The following CTNNBL1 variants were observed in gnomAD, a reference collection of about 807,000 sequenced individuals.
The protein encoded by CTNNBL1 is beta-catenin-like protein 1.
A neutral mutation model predicts 72.7 loss-of-function variants in CTNNBL1; 31 were observed. The ratio of observed to expected loss-of-function variants is 0.43; its 90% confidence interval spans 0.32 to 0.58. The LOEUF (loss-of-function observed/expected upper bound fraction) is 0.58, where lower values mean the gene tolerates loss of function less well. Among genes scored for constraint, CTNNBL1 ranks in the 20% least tolerant of loss-of-function variants. The probability of loss-of-function intolerance (pLI) is 0.08; values close to 1 mark genes in which losing one functional copy is unlikely to be tolerated. For missense variants in CTNNBL1, 534 were observed against 725.1 expected (o/e 0.74, Z 3.03); for synonymous variants, 240 against 267.3 (o/e 0.90, Z 1.00).
chr20:37,779,139 A>C (rs567864808), intron 9 of CTNNBL1, 48 bp from the exon 10 acceptor site: 2 of 1,599,356 alleles, frequency 1.3e-6, no homozygotes, highest in Admixed American at 3.3e-5. Context: ...GGCTCATGAA[A>C]AGACATTCTC....
intron 1 of CTNNBL1, among the ~76,000 whole-genome samples, chr20:37,711,242 T>C (rs2072935434): frequency 6.6e-6 from 1 of 152,142 alleles, no homozygotes; most frequent in South Asian, 2.1e-4. Flanking sequence ...CCTTTTGCCA[T>C]AGTTTCCTAG....
chr20:37,697,623 C>T (rs1291786331), intron 1 of CTNNBL1, among the ~76,000 whole-genome samples: 1 of 152,196 alleles, frequency 6.6e-6, no homozygotes, highest in Non-Finnish European at 1.5e-5. Context: ...TACCTTCATT[C>T]AACCCACTTG....
chr20:37,769,135 A>G (rs1392438942), intron 7 of CTNNBL1, among the ~76,000 whole-genome samples: 1 of 152,212 alleles, frequency 6.6e-6, no homozygotes, highest in Non-Finnish European at 1.5e-5. Flanking sequence ...GTAAATACAG[A>G]ATTTATCTGT....
intron 1 of CTNNBL1, among the ~76,000 whole-genome samples, chr20:37,709,923 C>G (rs374368983): frequency 6.6e-6 from 1 of 152,192 alleles, no homozygotes; most frequent in East Asian, 1.9e-4. Context: ...AGTGGCAAGA[C>G]GATCTATTCC....
At chr20:37,727,394 G>T (rs1332348551) in intron 1 of CTNNBL1, 3 of 975,786 alleles carry the variant, frequency 3.1e-6, no homozygotes, top group Non-Finnish European at 3.7e-6. Context: ...AGCCTACTCT[G>T]AGCTTTGAGT....
intron 13 of CTNNBL1, among the ~76,000 whole-genome samples, chr20:37,856,152 G>A (rs1430749644): frequency 4.1e-5 from 6 of 146,952 alleles, no homozygotes; most frequent in Admixed American, 1.4e-4. Context: ...CAGGAGAGTC[G>A]CTTGAACCCG....
At chr20:37,744,531 A>T (rs576797879) in intron 3 of CTNNBL1, 1 of 152,184 alleles carries the variant, frequency 6.6e-6, no homozygotes, top group Non-Finnish European at 1.5e-5. Flanking sequence ...TATGACTTAG[A>T]ACAGGGATTG....
chr20:37,782,075 A>G (rs1043769570), intron 10 of CTNNBL1, among the ~76,000 whole-genome samples: 1 of 152,196 alleles, frequency 6.6e-6, no homozygotes, highest in African/African-American at 2.4e-5. Context: ...AACTATATAA[A>G]GTATCTAGGA....
rs28729911 is a variant in CTNNBL1 at position 37,833,734 on chromosome 20, G to A, written c.1214-6368G>A. 7.5e-3 allele frequency among the ~76,000 whole-genome samples: 1,144 copies of A among 152,292 alleles called. 15 individuals are homozygous for A. Among genetic ancestry groups the A allele is most frequent in the African/African-American group, 0.026 (1,089 of 41,544 alleles). ...TTTATCCTGTCGAAATGACGGAGCA[G>A]CTGAGCAGTGTTGGCCAGCAGATAA... On this transcript the variant is annotated intron_variant, in intron 11 of 15. Transcript: ENST00000361383.
intron 1 of CTNNBL1, among the ~76,000 whole-genome samples, chr20:37,726,462 G>A (rs1036739817): frequency 1.1e-4 from 17 of 152,152 alleles, no homozygotes; most frequent in African/African-American, 3.9e-4. Flanking sequence ...CTCACCATAG[G>A]CAAGTTGCTT....
chr20:37,833,452 A>G (rs899114656), intron 11 of CTNNBL1, among the ~76,000 whole-genome samples: 2 of 152,138 alleles, frequency 1.3e-5, no homozygotes, highest in Non-Finnish European at 2.9e-5. Flanking sequence ...TCACTGGCAC[A>G]ATTTCAATCC....
intron 1 of CTNNBL1, among the ~76,000 whole-genome samples, chr20:37,711,404 C>A (rs2072936721): frequency 6.6e-6 from 1 of 151,674 alleles, no homozygotes. Flanking sequence ...TTGAACCTGT[C>A]ATTCTTTAAT....
chr20:37,834,403 G>T (rs557499504), intron 11 of CTNNBL1, among the ~76,000 whole-genome samples: 2 of 152,322 alleles, frequency 1.3e-5, no homozygotes, highest in Non-Finnish European at 2.9e-5. Context: ...GGTGGAAATT[G>T]CTTCCGCAAA....
At position 37,733,022 on chromosome 20, in the gene CTNNBL1, G is replaced by C. The variant is rs1368214237; in HGVS notation, c.174G>C (p.Arg58Ser). ...VVEEADDDKK[R>S]LLQIIDRDGE... ...AGGAAGCGGATGATGACAAAAAAAG[G>C]CTGCTGCAGATTATTGACAGAGATG... Residue 58 changes from arginine to serine, a missense_variant, in exon 2 of 16, where the codon AGG becomes AGC. By Grantham distance (110) the Arg-to-Ser change is moderately radical. Coordinates refer to ENST00000361383, the MANE Select transcript of CTNNBL1 (RefSeq NM_030877.5). 1.9e-6 allele frequency: 3 copies of C among 1,613,894 alleles called. No individual in the cohort carries two copies. Among genetic ancestry groups the C allele is most frequent in the Non-Finnish European group, 2.5e-6 (3 of 1,179,990 alleles).
intron 4 of CTNNBL1, among the ~76,000 whole-genome samples, chr20:37,748,060 C>G (rs1353060491): frequency 6.6e-6 from 1 of 152,172 alleles, no homozygotes; most frequent in African/African-American, 2.4e-5. Flanking sequence ...ACCAAATTCT[C>G]TTCTAGTAGT....
intron 11 of CTNNBL1, among the ~76,000 whole-genome samples, chr20:37,823,888 A>C (rs1205506559): frequency 6.6e-6 from 1 of 152,216 alleles, no homozygotes; most frequent in Non-Finnish European, 1.5e-5. Flanking sequence ...CTTGCATGCT[A>C]TCCAGGGCTA....
chr20:37,820,570 T>C (rs1021329658), intron 11 of CTNNBL1, among the ~76,000 whole-genome samples: 3 of 152,172 alleles, frequency 2.0e-5, no homozygotes, highest in African/African-American at 7.2e-5. Flanking sequence ...TGGAAGGTGA[T>C]TGGATCTTGG....
intron 7 of CTNNBL1, among the ~76,000 whole-genome samples, chr20:37,774,744 C>T (rs750169034): frequency 6.6e-6 from 1 of 152,134 alleles, no homozygotes; most frequent in Non-Finnish European, 1.5e-5. Flanking sequence ...TTTGGCCAGT[C>T]TCATAGCTGG....
intron 10 of CTNNBL1, among the ~76,000 whole-genome samples, chr20:37,784,078 GGGTCCC>G (rs1481786680): frequency 6.6e-6 from 1 of 152,066 alleles, no homozygotes; most frequent in Non-Finnish European, 1.5e-5. Flanking sequence ...TTTGCTGAAT[GGGTCCC>G]TTTACCGTTA....
Sources: gnomAD v4.1 joint callset for allele counts (sites outside exome capture counted in the v4.1 genomes callset) on GRCh38, gnomAD v4.1.1 for gene constraint, MANE v1.5 for transcripts, NCBI Gene and HGNC (gene_info 2026-07-23, HGNC 2026-07-21) for gene names.